MSMB: variants seen among roughly 807,000 people sequenced by gnomAD.
MSMB encodes microseminoprotein beta.
MSMB carries 10 observed loss-of-function variants against 10.5 expected under a neutral mutation model. That is an observed-to-expected ratio of 0.95 (90% CI 0.59 to 1.62). MSMB has a LOEUF of 1.62. Ranked by LOEUF, MSMB falls within the 40% of genes most tolerant of loss-of-function variation. The pLI is 0.00. For synonymous variants in MSMB, 43 were observed against 46.5 expected (o/e 0.93, Z 0.30); for missense variants, 126 against 137.4 (o/e 0.92, Z 0.42).
Position 46,038,977 on chromosome 10 carries a change from T to A in MSMB, c.204A>T (p.Ser68=), listed in dbSNP as rs1554927978. ...ETCTCYETEI[S]CCTLVSTPVG... is the part of the protein sequence containing the mutation. ...GGCTTGAGACTTACAGGGTGCAACA[T>A]GAAATTTCTGTTTCGTAGCAAGTGC... Residue 68 remains serine, a synonymous_variant, in exon 3 of 4, where the codon TCA becomes TCT. Coordinates refer to ENST00000582163, the MANE Select transcript of MSMB (RefSeq NM_002443.4). The A allele has an allele frequency of 3.7e-6, 6 of 1,613,618 alleles. No homozygotes were observed. In the Admixed American group the frequency reaches 1.0e-4, roughly 27 times the overall value.
At chr10:46,041,371 T>G (rs1840748944) in intron 1 of MSMB, among the ~76,000 whole-genome samples, 1 of 150,474 alleles carries the variant, frequency 6.6e-6, no homozygotes, top group Admixed American at 6.6e-5. Context: ...AAAAAATCAA[T>G]TAAGATCTTT....
intron 3 of MSMB, among the ~76,000 whole-genome samples, chr10:46,037,430 G>T (rs1447100037): frequency 6.6e-6 from 1 of 152,210 alleles, no homozygotes; most frequent in African/African-American, 2.4e-5. Flanking sequence ...GATTTGGGGG[G>T]TTGGGAGTTA....
intron 3 of MSMB, among the ~76,000 whole-genome samples, chr10:46,033,767 A>G (rs1840522645): frequency 6.6e-6 from 1 of 152,256 alleles, no homozygotes; most frequent in Admixed American, 6.5e-5. Context: ...ACAGAAGGTC[A>G]TCAGTAGGTG....
rs1554928225 is a variant in MSMB at position 46,040,037 on chromosome 10, C to T, written c.58G>A (p.Ala20Thr). ...TCATTAGGTATGAAATAGCATGATG[C>T]ATTGCATAAAGTCACGAAGGTGGCA... is the stretch of plus-strand genomic sequence containing the variant. ...IFATFVTLCNASCYFIPNEGV... is the reference protein window; with the variant it reads ...IFATFVTLCNTSCYFIPNEGV... The change falls in exon 2 of 4, where the codon GCA becomes ACA. Residue 20 changes from alanine (A) to threonine (T), a missense_variant. Coordinates refer to ENST00000582163, the MANE Select transcript of MSMB (RefSeq NM_002443.4). 6.2e-7 allele frequency: 1 copy of T among 1,613,998 alleles called. No individual in the cohort carries two copies. Among genetic ancestry groups the T allele is most frequent in the Admixed American group, 1.7e-5 (1 of 60,006 alleles).
chr10:46,040,374 G>GAGGC (rs1840713177), intron 1 of MSMB, among the ~76,000 whole-genome samples: 1 of 152,132 alleles, frequency 6.6e-6, no homozygotes, highest in Non-Finnish European at 1.5e-5. Flanking sequence ...AAATGTTGAG[G>GAGGC]AGGCCATTTG....
intron 1 of MSMB, among the ~76,000 whole-genome samples, chr10:46,045,197 C>T (rs1840865847): frequency 6.6e-6 from 1 of 152,146 alleles, no homozygotes; most frequent in Non-Finnish European, 1.5e-5. Flanking sequence ...AAGTTTAAGA[C>T]ACAAGAAAAG....
chr10:46,039,209 T>G, intron 2 of MSMB, 138 bp from the exon 3 acceptor site: 1 of 718,194 alleles, frequency 1.4e-6, no homozygotes, highest in Non-Finnish European at 2.4e-6. Flanking sequence ...TATCTAAGAA[T>G]GGTGCTCCTG....
chr10:46,043,441 C>CTCTCTCTT (rs1840798275), intron 1 of MSMB, among the ~76,000 whole-genome samples: 1 of 140,630 alleles, frequency 7.1e-6, no homozygotes, highest in Admixed American at 7.0e-5. Flanking sequence ...TTCTGTCTCT[C>CTCTCTCTT]TCTCTCTCTC....
In MSMB at chr10:46,044,575, GAAAAA is replaced by G. The variant is rs56061175; in HGVS notation, c.3+1655_3+1659del. Among the ~76,000 whole-genome samples the G allele has an allele frequency of 3.6e-4, 14 of 38,516 alleles. No homozygotes were observed. In the East Asian group the frequency reaches 9.7e-3, roughly 27 times the overall value. The allele number at this position is 38,516 out of a possible 152,430, so 25.3% of individuals were successfully genotyped here. A position where few individuals can be genotyped will look rare whatever the true frequency, so the allele number is the denominator to read the frequency against. ...TGGGCGACAGAGAGACTCCGTCTCA[GAAAAA>G]AAAAAAAAAAAAAAAAAAAAAAAGT... is the stretch of plus-strand genomic sequence containing the variant. On this transcript the variant is annotated intron_variant, in intron 1 of 3. Coordinates refer to ENST00000582163, the MANE Select transcript of MSMB (RefSeq NM_002443.4).
At chr10:46,037,965 C>T (rs182632456) in intron 3 of MSMB, among the ~76,000 whole-genome samples, 2 of 152,240 alleles carry the variant, frequency 1.3e-5, no homozygotes, top group African/African-American at 4.8e-5. Context: ...TTGATGCAAG[C>T]GTCAACACAG....
intron 1 of MSMB, among the ~76,000 whole-genome samples, chr10:46,044,929 CT>C (rs1327689159): frequency 1.3e-5 from 2 of 152,308 alleles, no homozygotes; most frequent in East Asian, 1.9e-4. Context: ...CTGGAGGAGC[CT>C]GTCTAGTGGA....
intron 1 of MSMB, among the ~76,000 whole-genome samples, chr10:46,041,820 T>A (rs1417322462): frequency 2.1e-5 from 3 of 143,366 alleles, no homozygotes. Flanking sequence ...AACACAGAGA[T>A]CAAAATAGAA....
chr10:46,037,867 C>G (rs1554927756), intron 3 of MSMB, among the ~76,000 whole-genome samples: 1 of 152,152 alleles, frequency 6.6e-6, no homozygotes, highest in Non-Finnish European at 1.5e-5. Flanking sequence ...GAAAACAACC[C>G]AAGTGTTCAT....
intron 2 of MSMB, 21 bp from the exon 3 acceptor site, chr10:46,039,092 T>A: frequency 6.2e-7 from 1 of 1,603,504 alleles, no homozygotes; most frequent in Non-Finnish European, 8.5e-7. Flanking sequence ...ACACACAACA[T>A]CATCAGTGCA....
chr10:46,034,732 G>A (rs561625835), intron 3 of MSMB, among the ~76,000 whole-genome samples: 31 of 151,938 alleles, frequency 2.0e-4, no homozygotes, highest in African/African-American at 7.2e-4. Flanking sequence ...GGCTGAGACA[G>A]GAGAATGGCG....
At chr10:46,038,152 A>T (rs1004319281) in intron 3 of MSMB, among the ~76,000 whole-genome samples, 4 of 152,112 alleles carry the variant, frequency 2.6e-5, no homozygotes, top group Non-Finnish European at 5.9e-5. Context: ...ATGGGTATAG[A>T]GCTTCAGTTT....
chr10:46,034,705 G>C (rs1840558787), intron 3 of MSMB, among the ~76,000 whole-genome samples: 2 of 151,648 alleles, frequency 1.3e-5, no homozygotes, highest in African/African-American at 4.8e-5. Flanking sequence ...GGCGCCTGTA[G>C]TCCCAGCTAC....
chr10:46,044,575 GAAAAAAAAAA>G (rs56061175), intron 1 of MSMB, among the ~76,000 whole-genome samples: 16 of 38,524 alleles, frequency 4.2e-4, no homozygotes, highest in East Asian at 1.1e-3. Context: ...CTCCGTCTCA[GAAAAAAAAAA>G]AAAAAAAAAA....
In MSMB at chr10:46,039,157, T is replaced by A. The variant is rs573281821; in HGVS notation, c.110-86A>T. ...GACATTGAGTCCTGCCCCTACTATC[T>A]ACACCCCTCCCAGAGAGAGAGGAGC... On this transcript the variant is annotated intron_variant, in intron 2 of 3. Coordinates refer to ENST00000582163, the MANE Select transcript of MSMB (RefSeq NM_002443.4). 10 of 1,119,502 alleles carry A rather than the reference T, an allele frequency of 8.9e-6. No individual in the cohort carries two copies. In the African/African-American group the frequency reaches 1.2e-4, roughly 14 times the overall value. 69.3% of individuals were successfully genotyped at this position (1,119,502 alleles called of 1,614,324 possible).
Sources: allele counts gnomAD v4.1 joint callset (sites outside exome capture counted in the v4.1 genomes callset), GRCh38; gene constraint gnomAD v4.1.1; transcripts MANE v1.5; gene names NCBI Gene and HGNC (gene_info 2026-07-23, HGNC 2026-07-21).